Variants in AFTPH observed in about 807,000 individuals in gnomAD.
AFTPH encodes the protein aftiphilin protein.
AFTPH carries 7 observed loss-of-function variants against 72.5 expected under a neutral mutation model. The observed-to-expected ratio is 0.10, with a 90% CI of 0.05 to 0.18. The LOEUF is 0.18. Ranked by LOEUF, AFTPH falls within the 10% of genes least tolerant of loss-of-function variation. The pLI is 1.00. For missense variants in AFTPH, 979 were observed against 1,060.5 expected, an observed-to-expected ratio of 0.92 and a Z score of 1.07; for synonymous variants, 337 against 370.1, an observed-to-expected ratio of 0.91 and a Z score of 1.03.
chr2:64,575,516 C>G (rs191795465), intron 6 of AFTPH, among the ~76,000 whole-genome samples: 62 of 152,112 alleles, frequency 4.1e-4, no homozygotes, highest in African/African-American at 1.4e-3. Flanking sequence ...TCTAAGGAGG[C>G]TGAGGTGGGA....
At chr2:64,546,691 T>A (rs1454440093) in intron 1 of AFTPH, among the ~76,000 whole-genome samples, 1 of 152,030 alleles carries the variant, frequency 6.6e-6, no homozygotes, top group Non-Finnish European at 1.5e-5. Flanking sequence ...ACCAAATAGT[T>A]TAGTGTGTAT....
chr2:64,573,085 G>T lies in AFTPH; in HGVS notation c.2394+17G>T. On this transcript the variant is annotated intron_variant, in intron 6 of 8. Coordinates refer to ENST00000238856, the Ensembl canonical transcript of AFTPH. ...CAGTTCCAGGTAAAAATATCTATAT[G>T]TGTATAAATATGTTTATGCGTGTAT... 1 of 1,601,284 alleles carries T rather than the reference G, an allele frequency of 6.2e-7. No homozygotes were observed. Among genetic ancestry groups the T allele is most frequent in the Non-Finnish European group, 8.6e-7 (1 of 1,168,492 alleles).
chr2:64,537,854 C>T (rs1023945409), intron 1 of AFTPH, among the ~76,000 whole-genome samples: 5 of 152,174 alleles, frequency 3.3e-5, no homozygotes, highest in Non-Finnish European at 7.4e-5. Context: ...TGCATTTTGT[C>T]TTTGTAAGCA....
At chr2:64,537,328 C>G (rs1669950924) in intron 1 of AFTPH, among the ~76,000 whole-genome samples, 1 of 152,124 alleles carries the variant, frequency 6.6e-6, no homozygotes, top group Non-Finnish European at 1.5e-5. Context: ...GGGTACTATG[C>G]TTATTACCTG....
At chr2:64,567,486 T>C in intron 2 of AFTPH, 76 bp from the exon 3 acceptor site, 1 of 1,486,122 alleles carries the variant, frequency 6.7e-7, no homozygotes, top group Non-Finnish European at 9.1e-7. Context: ...TGTGCGTGTG[T>C]TTGCATTTTA....
chr2:64,583,289 C>T (rs1673317281), intron 7 of AFTPH, among the ~76,000 whole-genome samples: 1 of 145,924 alleles, frequency 6.9e-6, no homozygotes, highest in South Asian at 2.2e-4. Context: ...AGTTATGTAA[C>T]TAAACCATGC....
intron 1 of AFTPH, among the ~76,000 whole-genome samples, chr2:64,528,040 A>G (rs763721324): frequency 6.6e-6 from 1 of 152,242 alleles, no homozygotes; most frequent in Non-Finnish European, 1.5e-5. Context: ...ACTCCATCCT[A>G]TGGTTGTCAG....
intron 1 of AFTPH, among the ~76,000 whole-genome samples, chr2:64,530,889 C>A (rs1196259167): frequency 2.0e-5 from 3 of 151,766 alleles, no homozygotes; most frequent in Admixed American, 1.3e-4. Context: ...TGGTAAAACC[C>A]CGTCTCTACT....
chr2:64,549,401 A>G (rs1310138125), intron 1 of AFTPH, among the ~76,000 whole-genome samples: 4 of 132,678 alleles, frequency 3.0e-5, no homozygotes, highest in African/African-American at 8.6e-5. Flanking sequence ...CCTCATTGCA[A>G]TCTCCACCTC....
chr2:64,548,496 A>G (rs1670814649), intron 1 of AFTPH, among the ~76,000 whole-genome samples: 1 of 150,314 alleles, frequency 6.7e-6, no homozygotes, highest in South Asian at 2.1e-4. Context: ...GGGATATAGT[A>G]TAACTTGCCT....
chr2:64,551,698 T>A, exon 2 of AFTPH: 1 of 1,613,976 alleles, frequency 6.2e-7, no homozygotes, highest in Non-Finnish European at 8.5e-7. Flanking sequence ...TCAGAAAATG[T>A]AGATAGCCTT....
chr2:64,528,634 C>T (rs897398107), intron 1 of AFTPH, among the ~76,000 whole-genome samples: 2 of 151,690 alleles, frequency 1.3e-5, no homozygotes, highest in African/African-American at 4.9e-5. Context: ...AAGGCTTAAA[C>T]CTGAAGAAGG....
At chr2:64,550,732 A>ACACACACACACACAC (rs1558605124) in intron 1 of AFTPH, among the ~76,000 whole-genome samples, 1 of 106,782 alleles carries the variant, frequency 9.4e-6, no homozygotes, top group African/African-American at 3.1e-5. Context: ...CACACACACA[A>ACACACACACACACAC]CTGGTGAAAT....
At position 64,550,681 on chromosome 2, in the gene AFTPH, A is replaced by G. The variant is rs200422666; in HGVS notation, c.-32-762A>G. On this transcript the variant is annotated intron_variant, in intron 1 of 8. Transcript: ENST00000238856. ...AATTTTTAGAACTGTACGCATGCAC[A>G]CACACACACACACACACACACACAC... is the stretch of plus-strand genomic sequence containing the variant. Among the ~76,000 whole-genome samples the G allele has an allele frequency of 5.7e-3, 192 of 33,782 alleles. 2 individuals carry two copies. In the East Asian group the frequency reaches 0.066, roughly 12 times the overall value. The allele number at this position is 33,782 out of a possible 152,430, so 22.2% of individuals were successfully genotyped here. A position where few individuals can be genotyped will look rare whatever the true frequency, so the allele number is the denominator to read the frequency against.
At chr2:64,549,532 G>A (rs534768725) in intron 1 of AFTPH, among the ~76,000 whole-genome samples, 29 of 151,714 alleles carry the variant, frequency 1.9e-4, no homozygotes, top group African/African-American at 6.8e-4. Flanking sequence ...TGTTGGCCAG[G>A]CTGGTCTTGA....
intron 2 of AFTPH, among the ~76,000 whole-genome samples, chr2:64,563,861 C>T (rs1462075939): frequency 1.3e-5 from 2 of 152,178 alleles, no homozygotes; most frequent in Non-Finnish European, 2.9e-5. Context: ...CTGCCTCGGC[C>T]TCCCAAAGTG....
intron 1 of AFTPH, among the ~76,000 whole-genome samples, chr2:64,544,140 TCTA>T (rs1670419133): frequency 2.0e-5 from 3 of 152,166 alleles, no homozygotes; most frequent in African/African-American, 7.2e-5. Flanking sequence ...AGTTTGCACT[TCTA>T]TTAATTATTT....
chr2:64,529,817 G>C (rs1169658693), intron 1 of AFTPH, among the ~76,000 whole-genome samples: 1 of 151,922 alleles, frequency 6.6e-6, no homozygotes. Context: ...TAGTAGTAGA[G>C]ACAGGGCCTT....
chr2:64,582,373 G>C (rs746733093), intron 7 of AFTPH, among the ~76,000 whole-genome samples: 8 of 152,148 alleles, frequency 5.3e-5, no homozygotes, highest in Non-Finnish European at 1.0e-4. Context: ...CTTGAGATCT[G>C]GTTATGCAAA....
Sources: gnomAD v4.1 joint callset for allele counts (sites outside exome capture counted in the v4.1 genomes callset) on GRCh38, gnomAD v4.1.1 for gene constraint, MANE v1.5 for transcripts, NCBI Gene and HGNC (gene_info 2026-07-23, HGNC 2026-07-21) for gene names.